Variants in ZNF560 observed in about 807,000 individuals in gnomAD.
ZNF560 encodes zinc finger protein 560.
ZNF560 carries 54 observed loss-of-function variants against 81.8 expected under a neutral mutation model. The ratio of observed to expected loss-of-function variants is 0.66; its 90% CI spans 0.53 to 0.83. ZNF560 has a LOEUF of 0.83. ZNF560 is among the 40% of genes least tolerant of loss of function. The pLI, the probability that ZNF560 is intolerant of heterozygous loss-of-function variation, is 0.00. For missense variants in ZNF560, 940 were observed against 932.4 expected, an observed-to-expected ratio of 1.01 and a Z score of -0.11; for synonymous variants, 321 against 317.9, an observed-to-expected ratio of 1.01 and a Z score of -0.10.
chr19:9,491,825 CA>C (rs1337657281), intron 2 of ZNF560, among the ~76,000 whole-genome samples: 142 of 28,950 alleles, frequency 4.9e-3, no homozygotes, highest in African/African-American at 0.013. Context: ...GACTCCGTCT[CA>C]AAAAAAAAAA....
downstream of ZNF560, among the ~76,000 whole-genome samples, chr19:9,462,204 G>T (rs550509014): frequency 3.3e-5 from 5 of 152,322 alleles, no homozygotes; most frequent in Admixed American, 6.5e-5. Flanking sequence ...TGACATGCTC[G>T]TGATGGTTAT....
In ZNF560 at chr19:9,467,954, G is replaced by C. The variant is rs1042889971; in HGVS notation, c.993C>G (p.His331Gln). 5.0e-6 allele frequency: 8 copies of C among 1,614,110 alleles called. No individual in the cohort carries two copies. The highest frequency in any genetic ancestry group is 2.7e-5 in the African/African-American group (2 of 75,044). Residue 331 changes from histidine (H) to glutamine (Q), a missense_variant, in exon 10 of 10, where the codon CAC (histidine) becomes CAG (glutamine). Physicochemically the swap from His to Gln is conservative, Grantham distance 24. Transcript: ENST00000301480. ...CAACATTTACAGCATGGCTTGTGGAGTGAGTAAATGCTTCCCCACATTGCT... is the reference window on the plus strand; with the variant it reads ...CAACATTTACAGCATGGCTTGTGGACTGAGTAAATGCTTCCCCACATTGCT... ...EWKQCGEAFT[H>Q]STSHAVNVET...
intron 2 of ZNF560, among the ~76,000 whole-genome samples, chr19:9,479,860 G>A (rs2073258564): frequency 6.6e-6 from 1 of 151,774 alleles, no homozygotes; most frequent in Admixed American, 6.6e-5. Flanking sequence ...CTAAATTTTG[G>A]TATCCACAGG....
intron 2 of ZNF560, 26 bp from the exon 3 acceptor site, chr19:9,475,395 C>A: frequency 7.3e-7 from 1 of 1,375,244 alleles, no homozygotes; most frequent in South Asian, 1.2e-5. Flanking sequence ...GGCATAAGAG[C>A]CCAGACATAA....
intron 2 of ZNF560, among the ~76,000 whole-genome samples, chr19:9,483,615 T>G: frequency 7.4e-6 from 1 of 134,252 alleles, no homozygotes; most frequent in Non-Finnish European, 1.6e-5. Flanking sequence ...AGCCGCCCCG[T>G]CTGGGAGGGA....
Position 9,468,059 on chromosome 19 carries a change from G to A in ZNF560, c.888C>T (p.Asp296=). The A allele has an allele frequency of 6.2e-7, 1 of 1,614,162 alleles. No individual in the cohort carries two copies. Among genetic ancestry groups the A allele is most frequent in the Non-Finnish European group, 8.5e-7 (1 of 1,180,028 alleles). Residue 296 remains aspartate, a synonymous_variant, in exon 10 of 10, where the codon GAC becomes GAT. Coordinates refer to ENST00000301480, the MANE Select transcript of ZNF560 (RefSeq NM_152476.3). ...ACTGATAAATGAAGGCTTTCCCATA[G>A]TCAGTGCCTTCAAAGGATTTATCTT... ...CTQDKSFEGT[D]YGKAFIYQSY...
intron 5 of ZNF560, 24 bp from the exon 6 acceptor site, chr19:9,471,402 G>GT (rs544010624): frequency 0.053 from 61,408 of 1,160,092 alleles, no homozygotes; most frequent in East Asian, 0.088. Flanking sequence ...ATAAACTGAG[G>GT]TTTTTTTTTT....
intron 5 of ZNF560, 38 bp from the exon 6 acceptor site, chr19:9,471,416 T>TTTA (rs781476028): frequency 1.0e-5 from 13 of 1,279,552 alleles, no homozygotes; most frequent in South Asian, 3.1e-5. Flanking sequence ...TTTTTTTTTT[T>TTTA]AAAAAAAAAG....
At chr19:9,470,652 G>T in intron 6 of ZNF560, 134 bp from the exon 7 acceptor site, 1 of 1,217,068 alleles carries the variant, frequency 8.2e-7, no homozygotes, top group Non-Finnish European at 1.2e-6. Context: ...AGGTTCAGTG[G>T]CCCTAGGAAC....
At position 9,474,401 on chromosome 19, in the gene ZNF560, C is replaced by A. The variant is rs6512167; in HGVS notation, c.31-76G>T. On this transcript the variant is annotated intron_variant, in intron 3 of 9. Coordinates refer to ENST00000301480, the MANE Select transcript of ZNF560 (RefSeq NM_152476.3). ...GTTCACTGAAGAATCAGTTAACAGA[C>A]CCCAATGCCTATAAAGAGTTGTGAG... 13,888 of 1,496,438 alleles carry A rather than the reference C, an allele frequency of 9.3e-3. 1,083 individuals carry two copies. In the African/African-American group the frequency reaches 0.17, roughly 18 times the overall value. The allele number at this position is 1,496,438 out of a possible 1,614,324, so 92.7% of individuals were successfully genotyped here.
the ZNF560 span, among the ~76,000 whole-genome samples, chr19:9,460,748 A>G: frequency 5.3e-5 from 8 of 152,326 alleles, no homozygotes; most frequent in African/African-American, 1.9e-4. Flanking sequence ...TAATTGAGGC[A>G]TACCGCCCTC....
Position 9,467,677 on chromosome 19 carries a change from T to C in ZNF560, c.1270A>G (p.Arg424Gly), listed in dbSNP as rs746857588. 6.2e-7 allele frequency: 1 copy of C among 1,613,982 alleles called. No individual in the cohort carries two copies. Among genetic ancestry groups the C allele is most frequent in the Non-Finnish European group, 8.5e-7 (1 of 1,180,002 alleles). ...AAGGTTTTCTCTCTGGCGTGACATC[T>C]TATATGTTCAATAAGGCCTGCAGAT... ...GTSAGLIEHI[R>G]CHAREKTFKC... Residue 424 changes from arginine (R) to glycine (G), a missense_variant, in exon 10 of 10, where the codon AGA becomes GGA. By Grantham distance (125) the Arg-to-Gly change is moderately radical (BLOSUM62 -2). Transcript: ENST00000301480.
chr19:9,493,773 G>A (rs1173663634), intron 2 of ZNF560, among the ~76,000 whole-genome samples: 4 of 152,100 alleles, frequency 2.6e-5, no homozygotes, highest in African/African-American at 7.2e-5. Context: ...GTTACTAGAG[G>A]TTAAATTTTT....
In ZNF560 at chr19:9,472,089, G is replaced by A. The variant is rs181861597; in HGVS notation, c.239-711C>T. Among the ~76,000 whole-genome samples, 596 of 150,022 alleles carry A rather than the reference G, an allele frequency of 4.0e-3. 1 individual carries two copies. The highest frequency in any genetic ancestry group is 0.014 in the African/African-American group (550 of 40,738). On this transcript the variant is annotated intron_variant, in intron 5 of 9. Coordinates refer to ENST00000301480, the MANE Select transcript of ZNF560 (RefSeq NM_152476.3). ...CGTGCCACTGCACTCCAGCCTGGGGGACAGAGTGAGACTCCGTCTCAAAAA... is the reference window on the plus strand; with the variant it reads ...CGTGCCACTGCACTCCAGCCTGGGGAACAGAGTGAGACTCCGTCTCAAAAA...
chr19:9,498,790 A>C (rs1339070649), upstream of ZNF560: 5 of 152,238 alleles, frequency 3.3e-5, no homozygotes, highest in African/African-American at 1.2e-4. Flanking sequence ...ACCCACAGAG[A>C]AAGGTGGGGG....
the ZNF560 span, among the ~76,000 whole-genome samples, chr19:9,446,459 A>G: frequency 1.9e-3 from 283 of 151,738 alleles, 1 homozygote; most frequent in Non-Finnish European, 2.0e-3. Flanking sequence ...TCACAACATC[A>G]TGTTTGTGAG....
At chr19:9,456,739 G>A in the ZNF560 span, among the ~76,000 whole-genome samples, 1 of 152,170 alleles carries the variant, frequency 6.6e-6, no homozygotes, top group African/African-American at 2.4e-5. Flanking sequence ...TAAAGGGCCC[G>A]ATGGACAACC....
At position 9,469,205 on chromosome 19, in the gene ZNF560, A is replaced by T; in HGVS notation, c.530-18T>A. On this transcript the variant is annotated intron_variant, in intron 8 of 9. Transcript: ENST00000301480. ...TTTCCATTCTGAAATAAAAGAGAAA[A>T]ATATACATGAGAGTTTACACATGAA... The T allele has an allele frequency of 6.5e-7, 1 of 1,548,034 alleles. No individual in the cohort carries two copies. The highest frequency in any genetic ancestry group is 8.8e-7 in the Non-Finnish European group (1 of 1,141,176).
At chr19:9,459,283 G>A in the ZNF560 span, among the ~76,000 whole-genome samples, 16 of 152,186 alleles carry the variant, frequency 1.1e-4, no homozygotes, top group African/African-American at 3.9e-4. Context: ...CCTAAAGGCC[G>A]ATTGTTATCA....
Sources: allele counts gnomAD v4.1 joint callset (sites outside exome capture counted in the v4.1 genomes callset), GRCh38; gene constraint gnomAD v4.1.1; transcripts MANE v1.5; gene names NCBI Gene and HGNC (gene_info 2026-07-23, HGNC 2026-07-21).